The following NT5C2 variants were observed in gnomAD, a reference collection of about 807,000 sequenced individuals.
NT5C2 encodes the protein 5'-nucleotidase, cytosolic II.
Under a neutral mutation model 76.1 loss-of-function variants are expected in NT5C2, and 58 were observed. The observed-to-expected ratio is 0.76, with a 90% CI of 0.62 to 0.95. The LOEUF (loss-of-function observed/expected upper bound fraction) is 0.95. NT5C2 is among the 40% of genes least tolerant of loss of function. The probability of loss-of-function intolerance (pLI) is 0.00; values close to 1 mark genes in which losing one functional copy is unlikely to be tolerated. For missense variants in NT5C2, 478 were observed against 690.3 expected (o/e 0.69, Z 3.45); for synonymous variants, 229 against 237.4 (o/e 0.96, Z 0.32).
intron 1 of NT5C2, among the ~76,000 whole-genome samples, chr10:103,192,845 G>A (rs934750756): frequency 2.0e-5 from 3 of 152,196 alleles, no homozygotes; most frequent in Admixed American, 1.3e-4. Context: ...CTGAGGAAAG[G>A]GCTACCACCA....
At chr10:103,166,603 G>T (rs963977654) in intron 3 of NT5C2, among the ~76,000 whole-genome samples, 2 of 150,012 alleles carry the variant, frequency 1.3e-5, no homozygotes, top group East Asian at 2.0e-4. Context: ...GCATTAGAAT[G>T]ATAAAAAACA....
intron 3 of NT5C2, among the ~76,000 whole-genome samples, chr10:103,165,535 C>T (rs1156803263): frequency 1.3e-5 from 2 of 150,524 alleles, no homozygotes; most frequent in African/African-American, 2.4e-5. Flanking sequence ...CTCAGCCTCC[C>T]TAGTGTCTGG....
chr10:103,141,866 A>C (rs2080484792), intron 3 of NT5C2, among the ~76,000 whole-genome samples: 1 of 152,214 alleles, frequency 6.6e-6, no homozygotes, highest in Admixed American at 6.5e-5. Flanking sequence ...CCTACTAGGA[A>C]GGAGACCTTT....
At chr10:103,114,085 C>G (rs7904067) in intron 4 of NT5C2, among the ~76,000 whole-genome samples, 233 of 152,316 alleles carry the variant, frequency 1.5e-3, no homozygotes, top group African/African-American at 5.1e-3. Flanking sequence ...TAACAGCCAA[C>G]CTAGACTTTT....
rs1338684364 is a variant in NT5C2, at chr10:103,088,914, TC to T, written c.*757del. 4.7e-6 allele frequency: 1 copy of T among 212,744 alleles called. No individual in the cohort carries two copies. Among genetic ancestry groups the T allele is most frequent in the Non-Finnish European group, 9.5e-6 (1 of 105,224 alleles). The allele number at this position is 212,744 out of a possible 1,614,324, so 13.2% of individuals were successfully genotyped here. On this transcript the variant is annotated 3_prime_UTR_variant, in exon 19 of 19. Coordinates refer to ENST00000404739, the MANE Select transcript of NT5C2 (RefSeq NM_001351169.2). ...AAGAAGGCAGTTCTTCCCTTTCTTT[TC>T]TGGGGGCTTGTTCCTTTGTCCACTT...
At chr10:103,189,250 A>G (rs1009157386) in intron 1 of NT5C2, among the ~76,000 whole-genome samples, 1 of 152,180 alleles carries the variant, frequency 6.6e-6, no homozygotes, top group African/African-American at 2.4e-5. Context: ...TTTCAAACAC[A>G]CAGAAAATAA....
At chr10:103,141,904 T>C (rs1434491443) in intron 3 of NT5C2, among the ~76,000 whole-genome samples, 1 of 152,184 alleles carries the variant, frequency 6.6e-6, no homozygotes, top group Non-Finnish European at 1.5e-5. Context: ...CAGTAAGTAC[T>C]ATAAAATAAC....
intron 6 of NT5C2, among the ~76,000 whole-genome samples, chr10:103,104,744 A>G (rs2070755464): frequency 6.6e-6 from 1 of 152,252 alleles, no homozygotes; most frequent in African/African-American, 2.4e-5. Context: ...TGTGACCTCA[A>G]ATCTAAAGGA....
At chr10:103,135,124 G>A (rs1038812238) in intron 4 of NT5C2, among the ~76,000 whole-genome samples, 2 of 152,214 alleles carry the variant, frequency 1.3e-5, no homozygotes, top group African/African-American at 4.8e-5. Flanking sequence ...ATGTTGAAAT[G>A]AGTTAAGACT....
At chr10:103,183,814 A>G (rs982092277) in intron 1 of NT5C2, among the ~76,000 whole-genome samples, 5 of 152,100 alleles carry the variant, frequency 3.3e-5, no homozygotes, top group Admixed American at 1.3e-4. Context: ...AATCTATAAA[A>G]ATTAAAAAAT....
chr10:103,102,482 C>T (rs1449658543), intron 6 of NT5C2, among the ~76,000 whole-genome samples: 1 of 152,044 alleles, frequency 6.6e-6, no homozygotes, highest in East Asian at 1.9e-4. Context: ...GAGAGATCAG[C>T]TGTGCAACCC....
At chr10:103,090,340 C>CT (rs1426976280) in intron 18 of NT5C2, 2 of 391,640 alleles carry the variant, frequency 5.1e-6, no homozygotes, top group African/African-American at 4.1e-5. Context: ...ACCTCAGCCT[C>CT]TAAAGTTCTG....
At chr10:103,160,217 T>C (rs1047134891) in intron 3 of NT5C2, among the ~76,000 whole-genome samples, 6 of 152,118 alleles carry the variant, frequency 3.9e-5, no homozygotes, top group Non-Finnish European at 8.8e-5. Flanking sequence ...TGGACCCCTA[T>C]CTTATATAAT....
intron 3 of NT5C2, among the ~76,000 whole-genome samples, chr10:103,156,949 C>T (rs1356699465): frequency 2.0e-5 from 3 of 151,756 alleles, no homozygotes; most frequent in Non-Finnish European, 2.9e-5. Context: ...CCCAGCTACT[C>T]GGGAGGCTGA....
chr10:103,189,444 A>G (rs1387843617), intron 1 of NT5C2, among the ~76,000 whole-genome samples: 2 of 151,716 alleles, frequency 1.3e-5, no homozygotes, highest in Non-Finnish European at 2.9e-5. Flanking sequence ...CATCTCTACT[A>G]AAAATACAAA....
At chr10:103,164,424 A>C (rs915957879) in intron 3 of NT5C2, among the ~76,000 whole-genome samples, 16 of 151,958 alleles carry the variant, frequency 1.1e-4, no homozygotes, top group African/African-American at 3.9e-4. Context: ...CGCCCAGCTA[A>C]TTTTTGTATA....
At chr10:103,121,036 G>A (rs1415405712) in intron 4 of NT5C2, among the ~76,000 whole-genome samples, 1 of 152,122 alleles carries the variant, frequency 6.6e-6, no homozygotes, top group African/African-American at 2.4e-5. Flanking sequence ...CACAAAACAA[G>A]TATTGTATAA....
At chr10:103,089,961 TC>T in intron 18 of NT5C2, 53 bp from the exon 19 acceptor site, 1 of 1,450,034 alleles carries the variant, frequency 6.9e-7, no homozygotes, top group Non-Finnish European at 9.3e-7. Context: ...AAGTAGCTAC[TC>T]CCCAAATCCT....
intron 3 of NT5C2, among the ~76,000 whole-genome samples, chr10:103,174,095 CAA>C (rs59543748): frequency 0.013 from 1,022 of 81,194 alleles, 4 homozygotes; most frequent in Middle Eastern, 0.05. Flanking sequence ...GACTCCGTCT[CAA>C]AAAAAAAAAA....
Sources: allele counts gnomAD v4.1 joint callset (sites outside exome capture counted in the v4.1 genomes callset), GRCh38; gene constraint gnomAD v4.1.1; transcripts MANE v1.5; gene names NCBI Gene and HGNC (gene_info 2026-07-23, HGNC 2026-07-21).